The following CADPS variants were observed in gnomAD, a reference collection of about 807,000 sequenced individuals.
CADPS encodes calcium dependent secretion activator.
Under a neutral mutation model 167.3 loss-of-function variants are expected in CADPS, and 57 were observed. The observed-to-expected ratio is 0.34, with a 90% CI of 0.28 to 0.42. The LOEUF is 0.42. CADPS is among the 20% of genes least tolerant of loss of function. The probability of loss-of-function intolerance (pLI) is 1.00; values close to 1 mark genes in which losing one functional copy is unlikely to be tolerated. For missense variants in CADPS, 1,414 were observed against 1,738.1 expected (o/e 0.81, Z 3.32); for synonymous variants, 676 against 635.3 (o/e 1.06, Z -0.96).
At chr3:62,569,441 G>A (rs1562283877) in intron 9 of CADPS, among the ~76,000 whole-genome samples, 1 of 152,204 alleles carries the variant, frequency 6.6e-6, no homozygotes, top group Non-Finnish European at 1.5e-5. Context: ...ATTCCAAAAT[G>A]TTCTTTGCGG....
intron 3 of CADPS, among the ~76,000 whole-genome samples, chr3:62,720,880 C>A (rs1051110019): frequency 2.0e-5 from 3 of 147,340 alleles, no homozygotes; most frequent in African/African-American, 7.6e-5. Flanking sequence ...TGCCATGGTG[C>A]GATCTTGGCT....
chr3:62,419,560 G>C (rs187444237), intron 28 of CADPS, among the ~76,000 whole-genome samples: 35 of 152,288 alleles, frequency 2.3e-4, no homozygotes, highest in African/African-American at 4.8e-4. Context: ...CTTGTGAGCA[G>C]TGCGAATAAT....
intron 3 of CADPS, among the ~76,000 whole-genome samples, chr3:62,664,719 C>T (rs778851689): frequency 5.9e-5 from 9 of 152,154 alleles, no homozygotes; most frequent in East Asian, 1.9e-4. Flanking sequence ...AGGAGAATTT[C>T]GTCGGAAGAT....
intron 28 of CADPS, among the ~76,000 whole-genome samples, chr3:62,436,926 G>T (rs1287432545): frequency 6.6e-6 from 1 of 151,952 alleles, no homozygotes; most frequent in Non-Finnish European, 1.5e-5. Flanking sequence ...GGAAGTCAAA[G>T]CATATAAAAG....
intron 24 of CADPS, chr3:62,467,247 C>CA (rs2060047275): frequency 1.2e-5 from 12 of 1,023,604 alleles, no homozygotes; most frequent in South Asian, 3.3e-5. Context: ...ATTTCCCTAA[C>CA]AAAAAATAAC....
rs1392223190 is a variant in CADPS at position 62,620,787 on chromosome 3, G to A, written c.1325+24935C>T. Among the ~76,000 whole-genome samples, 6 of 152,254 alleles carry A rather than the reference G, an allele frequency of 3.9e-5. No homozygotes were observed. The East Asian group carries it at 7.7e-4, about 20-fold the overall frequency. On this transcript the variant is annotated intron_variant, in intron 6 of 29. Coordinates refer to ENST00000383710, the MANE Select transcript of CADPS (RefSeq NM_003716.4). ...CCAACACCCTTGCTCTCCCATTAGA[G>A]CTGGCCTCCACCACCTGTGACAGCC... is the stretch of plus-strand genomic sequence containing the variant.
chr3:62,671,693 C>A (rs1272656929), intron 3 of CADPS, among the ~76,000 whole-genome samples: 2 of 152,114 alleles, frequency 1.3e-5, no homozygotes, highest in African/African-American at 2.4e-5. Flanking sequence ...AAAAGGCAAT[C>A]CTAATGTTGA....
chr3:62,656,936 T>A (rs568591661), intron 4 of CADPS, among the ~76,000 whole-genome samples: 1 of 152,270 alleles, frequency 6.6e-6, no homozygotes, highest in South Asian at 2.1e-4. Context: ...TTTCCCAGGA[T>A]TTTTAGCTAT....
rs148482457 is a variant in CADPS at position 62,402,875 on chromosome 3, T to A, written c.3882+206A>T. On this transcript the variant is annotated intron_variant, in intron 29 of 29. Coordinates refer to ENST00000383710, the MANE Select transcript of CADPS (RefSeq NM_003716.4). ...TATTTTTCCTCTCTGGAAAAAGATATCAAATTCATTTGTATTAAATTTCCC... is the reference window on the plus strand; with the variant it reads ...TATTTTTCCTCTCTGGAAAAAGATAACAAATTCATTTGTATTAAATTTCCC... 3.1e-3 allele frequency among the ~76,000 whole-genome samples: 477 copies of A among 152,358 alleles called. 3 individuals are homozygous for A. The highest frequency in any genetic ancestry group is 0.011 in the African/African-American group (451 of 41,590).
Position 62,874,539 on chromosome 3 carries a change from CGCCT to C in CADPS, c.441+46_441+49del. On this transcript the variant is annotated intron_variant, in intron 1 of 29. Coordinates refer to ENST00000383710, the MANE Select transcript of CADPS (RefSeq NM_003716.4). This position sits in a 1 kb window ranked among gnomAD's most constrained non-coding sequence, Gnocchi z 7.1. ...GCCAGCTCCCATTGTTCACCCCGCC[CGCCT>C]GGCGACGTCCGGGTGCTGCTCCCTG... 7.0e-7 allele frequency: 1 copy of C among 1,426,560 alleles called. No homozygotes were observed. The highest frequency in any genetic ancestry group is 1.4e-5 in the African/African-American group (1 of 69,992). The allele number at this position is 1,426,560 out of a possible 1,614,324, so 88.4% of individuals were successfully genotyped here.
At chr3:62,853,073 T>A (rs143074398) in intron 1 of CADPS, among the ~76,000 whole-genome samples, 22 of 152,324 alleles carry the variant, frequency 1.4e-4, no homozygotes, top group African/African-American at 4.8e-4. Context: ...ATGCTTTATC[T>A]TGCACTTGAC....
intron 6 of CADPS, among the ~76,000 whole-genome samples, chr3:62,618,850 A>C (rs1235085): frequency 0.96 from 145,762 of 152,284 alleles, 69,789 homozygotes; most frequent in East Asian, 1. Context: ...TGGCACCTAG[A>C]AGGCCTAGGC....
intron 4 of CADPS, among the ~76,000 whole-genome samples, chr3:62,657,002 T>C (rs2071792519): frequency 6.6e-6 from 1 of 152,114 alleles, no homozygotes; most frequent in South Asian, 2.1e-4. Flanking sequence ...GTTTAACTGT[T>C]CAGGCAACAA....
chr3:62,579,739 G>A (rs1322663967), intron 8 of CADPS, among the ~76,000 whole-genome samples: 4 of 152,150 alleles, frequency 2.6e-5, no homozygotes, highest in African/African-American at 9.7e-5. Flanking sequence ...AACAACACTG[G>A]CTTTTACTCT....
rs532446154 is a variant in CADPS, at chr3:62,808,461, A to C, written c.442-42477T>G. Among the ~76,000 whole-genome samples the C allele has an allele frequency of 5.3e-5, 8 of 152,254 alleles. No individual in the cohort carries two copies. In the South Asian group the frequency reaches 1.5e-3, roughly 28 times the overall value. ...GGGTGCGGTCAAAAAGTCCTGCTTCAGGCCCAGGTTGATTGCTATTTGTCA... is the reference window on the plus strand; with the variant it reads ...GGGTGCGGTCAAAAAGTCCTGCTTCCGGCCCAGGTTGATTGCTATTTGTCA... On this transcript the variant is annotated intron_variant, in intron 1 of 29. Transcript: ENST00000383710.
rs530791552 is a variant in CADPS, at chr3:62,690,571, C to A, written c.889-28177G>T. Among the ~76,000 whole-genome samples, 90 of 151,924 alleles carry A rather than the reference C, an allele frequency of 5.9e-4. 2 individuals carry two copies. The East Asian group carries it at 0.016, about 27-fold the overall frequency. On this transcript the variant is annotated intron_variant, in intron 3 of 29. Coordinates refer to ENST00000383710, the MANE Select transcript of CADPS (RefSeq NM_003716.4). ...AAGTTAAAAAGAGAACCCGGACTGT[C>A]CCTGTGTCCATGCGGCATGGTAGGA...
Position 62,601,285 on chromosome 3 carries a change from TTTTTG to T in CADPS, c.1326-8542_1326-8538del, listed in dbSNP as rs1418721241. On this transcript the variant is annotated intron_variant, in intron 6 of 29. Coordinates refer to ENST00000383710, the MANE Select transcript of CADPS (RefSeq NM_003716.4). The surrounding 1 kb of genome is among the most constrained non-coding windows in gnomAD (Gnocchi z 4.3). ...TATTAGAACATAGTTAGCTTACTCATTTTTGTTTTGTCTATGGCTTCTTTTGTGCA... is the reference window on the plus strand; with the variant it reads ...TATTAGAACATAGTTAGCTTACTCATTTTTGTCTATGGCTTCTTTTGTGCA... Among the ~76,000 whole-genome samples the T allele has an allele frequency of 1.3e-5, 2 of 152,238 alleles. No individual in the cohort carries two copies. The highest frequency in any genetic ancestry group is 6.5e-5 in the Admixed American group (1 of 15,280).
At chr3:62,533,668 T>C (rs2074157045) in intron 12 of CADPS, among the ~76,000 whole-genome samples, 1 of 152,164 alleles carries the variant, frequency 6.6e-6, no homozygotes, top group Non-Finnish European at 1.5e-5. Context: ...TTTTCTCTAC[T>C]CTAGAGCATG....
intron 3 of CADPS, among the ~76,000 whole-genome samples, chr3:62,752,227 T>C (rs1212158565): frequency 6.6e-6 from 1 of 152,132 alleles, no homozygotes; most frequent in Non-Finnish European, 1.5e-5. Context: ...TGGGATGTAG[T>C]AATATTTTAA....
Sources: allele counts gnomAD v4.1 joint callset (sites outside exome capture counted in the v4.1 genomes callset), GRCh38; gene constraint gnomAD v4.1.1; non-coding constraint Gnocchi (gnomAD v3.1); transcripts MANE v1.5; gene names NCBI Gene and HGNC (gene_info 2026-07-23, HGNC 2026-07-21).